The following KCNK12 variants were observed in gnomAD, a reference collection of about 807,000 sequenced individuals.
KCNK12 encodes the protein potassium two pore domain channel subfamily K member 12, also known as potassium channel subfamily K member 12.
A neutral mutation model predicts 25.3 loss-of-function variants in KCNK12; 6 were observed. The observed-to-expected ratio is 0.24, with a 90% CI of 0.13 to 0.47. The LOEUF (loss-of-function observed/expected upper bound fraction) is 0.47, where lower values mean the gene tolerates loss of function less well. Ranked by LOEUF, KCNK12 falls within the 20% of genes least tolerant of loss-of-function variation. KCNK12 has a pLI of 0.99. For missense variants in KCNK12, 444 were observed against 661.7 expected (o/e 0.67, Z 3.61); for synonymous variants, 331 against 311.1 (o/e 1.06, Z -0.67).
rs769415382 is a variant in KCNK12, at chr2:47,548,080, C to T, written c.391+21861G>A. ...TTCCTCCTGCTCCAGCCATGAAGGA[C>T]GTGTCTGCTTCCTCTTTGCCTTCTG... On this transcript the variant is annotated intron_variant, in intron 1 of 1. Coordinates refer to ENST00000327876, the MANE Select transcript of KCNK12 (RefSeq NM_022055.2). The surrounding 1 kb of genome is among the most constrained non-coding windows in gnomAD (Gnocchi z 4.4). Among the ~76,000 whole-genome samples the T allele has an allele frequency of 1.3e-4, 20 of 152,188 alleles. No individual in the cohort carries two copies. The highest frequency in any genetic ancestry group is 3.3e-4 in the Admixed American group (5 of 15,280).
chr2:47,531,630 G>A (rs1445098742), intron 1 of KCNK12, among the ~76,000 whole-genome samples: 4 of 152,172 alleles, frequency 2.6e-5, no homozygotes, highest in Admixed American at 6.5e-5. Context: ...CATAGGAAAC[G>A]TCCAGTGACT....
Position 47,528,695 on chromosome 2 carries a change from A to G in KCNK12, c.392-6887T>C. ...AATTGATCTGCCATCCCAGTTTGCA[A>G]AGAGCAGACACTTGGGGGCTTTATT... is the stretch of plus-strand genomic sequence containing the variant. On this transcript the variant is annotated intron_variant, in intron 1 of 1. Transcript: ENST00000327876. The surrounding 1 kb of genome is among the most constrained non-coding windows in gnomAD (Gnocchi z 4.5). 6.6e-6 allele frequency among the ~76,000 whole-genome samples: 1 copy of G among 152,226 alleles called. No individual in the cohort carries two copies. The highest frequency in any genetic ancestry group is 1.9e-4 in the East Asian group (1 of 5,198).
At chr2:47,526,724 C>T (rs751650086) in intron 1 of KCNK12, among the ~76,000 whole-genome samples, 2 of 152,196 alleles carry the variant, frequency 1.3e-5, no homozygotes, top group Admixed American at 1.3e-4. Context: ...CAGAGCGAAA[C>T]TCCGTCTCAA....
chr2:47,550,624 C>T (rs1036533328), intron 1 of KCNK12, among the ~76,000 whole-genome samples: 1 of 151,934 alleles, frequency 6.6e-6, no homozygotes, highest in Non-Finnish European at 1.5e-5. Context: ...CTCAAGTGAC[C>T]CACCCGCCTC....
Position 47,514,345 on chromosome 2 carries a change from C to CAT in KCNK12, c.*6561_*6562insAT, listed in dbSNP as rs1668474386. On this transcript the variant is annotated 3_prime_UTR_variant, in exon 2 of 2. Transcript: ENST00000327876. This position sits in a 1 kb window ranked among gnomAD's most constrained non-coding sequence, Gnocchi z 5.0. ...AGGCCGTACTGCAGCGCCCTGCCCCCGTCAGCCTCCAGGAGCCTGGAGTCC... is the reference window on the plus strand; with the variant it reads ...AGGCCGTACTGCAGCGCCCTGCCCCCATGTCAGCCTCCAGGAGCCTGGAGTCC... Among the ~76,000 whole-genome samples, 2 of 152,224 alleles carry CAT rather than the reference C, an allele frequency of 1.3e-5. No individual in the cohort carries two copies. Among genetic ancestry groups the CAT allele is most frequent in the Non-Finnish European group, 2.9e-5 (2 of 68,038 alleles).
rs1262694772 is a variant in KCNK12, at chr2:47,547,894, C to T, written c.391+22047G>A. Among the ~76,000 whole-genome samples, 4 of 152,124 alleles carry T rather than the reference C, an allele frequency of 2.6e-5. No homozygotes were observed. In the East Asian group the frequency reaches 7.7e-4, roughly 29 times the overall value. On this transcript the variant is annotated intron_variant, in intron 1 of 1. Transcript: ENST00000327876. The surrounding 1 kb of genome is among the most constrained non-coding windows in gnomAD (Gnocchi z 5.0). ...GATATGGTTTGGATTTGTGTCCCTGCCCAAATCTCATGTTGAATTATAATC... is the reference window on the plus strand; with the variant it reads ...GATATGGTTTGGATTTGTGTCCCTGTCCAAATCTCATGTTGAATTATAATC...
Position 47,548,956 on chromosome 2 carries a change from C to G in KCNK12, c.391+20985G>C, listed in dbSNP as rs1205176777. Among the ~76,000 whole-genome samples, 1 of 152,140 alleles carries G rather than the reference C, an allele frequency of 6.6e-6. No homozygotes were observed. The highest frequency in any genetic ancestry group is 1.5e-5 in the Non-Finnish European group (1 of 68,036). ...GGAGCACTGGAGAGGAAGGAACCAT[C>G]AAGAAAAAGGACTCCAGAAATCTAC... is the stretch of plus-strand genomic sequence containing the variant. On this transcript the variant is annotated intron_variant, in intron 1 of 1. Coordinates refer to ENST00000327876, the MANE Select transcript of KCNK12 (RefSeq NM_022055.2). This position sits in a 1 kb window ranked among gnomAD's most constrained non-coding sequence, Gnocchi z 4.4.
chr2:47,564,218 G>A (rs182803796), intron 1 of KCNK12: 8 of 230,766 alleles, frequency 3.5e-5, no homozygotes, highest in Admixed American at 1.7e-4. Context: ...CTGTCCAGTC[G>A]CTCCTAGGCT....
chr2:47,556,667 A>G lies in KCNK12; in HGVS notation c.391+13274T>C. 6.6e-6 allele frequency among the ~76,000 whole-genome samples: 1 copy of G among 152,200 alleles called. No individual in the cohort carries two copies. Among genetic ancestry groups the G allele is most frequent in the South Asian group, 2.1e-4 (1 of 4,832 alleles). On this transcript the variant is annotated intron_variant, in intron 1 of 1. Coordinates refer to ENST00000327876, the MANE Select transcript of KCNK12 (RefSeq NM_022055.2). This position sits in a 1 kb window ranked among gnomAD's most constrained non-coding sequence, Gnocchi z 4.8. ...GGGTACAACATAGGGAGAGAGGGGC[A>G]AGGAAGTTAAGGGTCTCTGAAAAGG...
At chr2:47,559,457 T>C (rs934158789) in intron 1 of KCNK12, among the ~76,000 whole-genome samples, 4 of 152,336 alleles carry the variant, frequency 2.6e-5, no homozygotes, top group Non-Finnish European at 5.9e-5. Context: ...ATTCATTCCA[T>C]CCACTCAACA....
Position 47,517,838 on chromosome 2 carries a change from C to G in KCNK12, c.*3069G>C, listed in dbSNP as rs1668561264. On this transcript the variant is annotated 3_prime_UTR_variant, in exon 2 of 2. Transcript: ENST00000327876. This position sits in a 1 kb window ranked among gnomAD's most constrained non-coding sequence, Gnocchi z 4.1. ...GCCAAGACTCTGGATTCTCTGTGGC[C>G]ACAGTCATATGGTGAGGGCCTCTTG... 4 of 152,160 alleles carry G rather than the reference C, an allele frequency of 2.6e-5. No homozygotes were observed. Among genetic ancestry groups the G allele is most frequent in the Admixed American group, 2.6e-4 (4 of 15,270 alleles). The allele number at this position is 152,160 out of a possible 1,614,324, so 9.4% of individuals were successfully genotyped here.
At chr2:47,544,292 G>A (rs1402197019) in intron 1 of KCNK12, among the ~76,000 whole-genome samples, 2 of 152,172 alleles carry the variant, frequency 1.3e-5, no homozygotes, top group Admixed American at 6.5e-5. Context: ...AGCCTGTAAC[G>A]CTTCCCTTTC....
In KCNK12 at chr2:47,519,873, G is replaced by A. The variant is rs975686149; in HGVS notation, c.*1034C>T. ...GCTGCAGGCCCTGGTTCCCAAGGAC[G>A]CAGCTGGCAGAGGTGCCTCCTTCAG... On this transcript the variant is annotated 3_prime_UTR_variant, in exon 2 of 2. Coordinates refer to ENST00000327876, the MANE Select transcript of KCNK12 (RefSeq NM_022055.2). 2.6e-5 allele frequency: 4 copies of A among 152,222 alleles called. No homozygotes were observed. The highest frequency in any genetic ancestry group is 9.7e-5 in the African/African-American group (4 of 41,448). The allele number at this position is 152,222 out of a possible 1,614,324, so 9.4% of individuals were successfully genotyped here. A position where few individuals can be genotyped will look rare whatever the true frequency, so the allele number is the denominator to read the frequency against.
At position 47,521,720 on chromosome 2, in the gene KCNK12, G is replaced by A; in HGVS notation, c.480C>T (p.Phe160=). 6.3e-7 allele frequency: 1 copy of A among 1,597,638 alleles called. No homozygotes were observed. Among genetic ancestry groups the A allele is most frequent in the African/African-American group, 1.3e-5 (1 of 74,314 alleles). Residue 160 remains phenylalanine (F), a synonymous_variant, in exon 2 of 2, where the codon TTC becomes TTT. Transcript: ENST00000327876. ...TGATGCGCTCCAGGAAGAGGTTGAA[G>A]AACAGGATGGTCCCAGCGCAGCCGA... is the stretch of plus-strand genomic sequence containing the variant. ...GLFGCAGTIL[F]FNLFLERIIS...
rs367938217 is a variant in KCNK12, at chr2:47,517,819, ACT to A, written c.*3086_*3087del. 6.6e-5 allele frequency: 10 copies of A among 151,928 alleles called. No individual in the cohort carries two copies. In the East Asian group the frequency reaches 1.4e-3, roughly 21 times the overall value. 9.4% of individuals were successfully genotyped at this position (151,928 alleles called of 1,614,324 possible). A position where few individuals can be genotyped will look rare whatever the true frequency, so the allele number is the denominator to read the frequency against. ...AGCTCTGAGAAGGCTGCTAGCCAAG[ACT>A]CTGGATTCTCTGTGGCCACAGTCAT... is the stretch of plus-strand genomic sequence containing the variant. On this transcript the variant is annotated 3_prime_UTR_variant, in exon 2 of 2. Transcript: ENST00000327876. The surrounding 1 kb of genome is among the most constrained non-coding windows in gnomAD (Gnocchi z 4.1).
At position 47,550,112 on chromosome 2, in the gene KCNK12, T is replaced by G. The variant is rs77701161; in HGVS notation, c.391+19829A>C. On this transcript the variant is annotated intron_variant, in intron 1 of 1. Transcript: ENST00000327876. Reference sequence around the variant, plus strand: ...AGAGCCTCAGCTACCTGCAGAACAATGTAAATTAAGACTAACATATGTGCA... The same window carrying G: ...AGAGCCTCAGCTACCTGCAGAACAAGGTAAATTAAGACTAACATATGTGCA... 1.1e-3 allele frequency among the ~76,000 whole-genome samples: 161 copies of G among 152,202 alleles called. 1 individual carries two copies. The East Asian group carries it at 0.029, about 28-fold the overall frequency.
intron 1 of KCNK12, among the ~76,000 whole-genome samples, chr2:47,524,467 C>G (rs1447657262): frequency 6.6e-6 from 1 of 152,226 alleles, no homozygotes; most frequent in African/African-American, 2.4e-5. Flanking sequence ...ATAATACATT[C>G]TGCATTATTC....
intron 1 of KCNK12, among the ~76,000 whole-genome samples, chr2:47,552,925 G>A (rs558277763): frequency 2.6e-4 from 39 of 152,234 alleles, no homozygotes; most frequent in Admixed American, 7.2e-4. Flanking sequence ...GTTGAGTGCC[G>A]ATAACCAAAT....
chr2:47,521,826 G>A lies in KCNK12; in HGVS notation c.392-18C>T. ...GCCGAAACCTGTGGAGACAGGGCAGGGTCAGCGCGGTCCTGGCCGCGCAGG... is the reference window on the plus strand; with the variant it reads ...GCCGAAACCTGTGGAGACAGGGCAGAGTCAGCGCGGTCCTGGCCGCGCAGG... On this transcript the variant is annotated intron_variant, in intron 1 of 1. Transcript: ENST00000327876. 2.0e-6 allele frequency: 3 copies of A among 1,501,024 alleles called. No homozygotes were observed. Among genetic ancestry groups the A allele is most frequent in the Non-Finnish European group, 2.7e-6 (3 of 1,129,944 alleles). The allele number at this position is 1,501,024 out of a possible 1,614,324, so 93.0% of individuals were successfully genotyped here. A position where few individuals can be genotyped will look rare whatever the true frequency, so the allele number is the denominator to read the frequency against.
Sources: gnomAD v4.1 joint callset for allele counts (sites outside exome capture counted in the v4.1 genomes callset) on GRCh38, gnomAD v4.1.1 for gene constraint, Gnocchi (gnomAD v3.1) non-coding constraint, MANE v1.5 for transcripts, NCBI Gene and HGNC (gene_info 2026-07-23, HGNC 2026-07-21) for gene names.